Variants in EGFL7 observed in about 807,000 individuals in gnomAD.
The protein encoded by EGFL7 is EGF like domain multiple 7.
Under a neutral mutation model 37.1 loss-of-function variants are expected in EGFL7, and 48 were observed. That is an observed-to-expected ratio of 1.29 (90% CI 1.03 to 1.65). The LOEUF (loss-of-function observed/expected upper bound fraction) is 1.65. Ranked by LOEUF, EGFL7 falls within the 40% of genes most tolerant of loss-of-function variation. EGFL7 has a pLI of 0.00. For synonymous variants in EGFL7, 180 were observed against 156.8 expected (o/e 1.15, Z -1.10); for missense variants, 384 against 378.9 (o/e 1.01, Z -0.11).
In EGFL7 at chr9:136,669,565, G is replaced by A. The variant is rs200920832; in HGVS notation, c.198-41G>A. Reference sequence around the variant, plus strand: ...TAGATGCCCAGCAGGTGACTAAGGGGGAGTAGGATGCCCCTCTGAGCTGTC... The same window carrying A: ...TAGATGCCCAGCAGGTGACTAAGGGAGAGTAGGATGCCCCTCTGAGCTGTC... On this transcript the variant is annotated intron_variant, in intron 5 of 10. Transcript: ENST00000308874. The A allele has an allele frequency of 4.1e-6, 6 of 1,466,010 alleles. No homozygotes were observed. In the East Asian group the frequency reaches 9.3e-5, roughly 23 times the overall value. The allele number at this position is 1,466,010 out of a possible 1,614,324, so 90.8% of individuals were successfully genotyped here.
rs1845763157 is a variant in EGFL7, at chr9:136,670,296, G to A, written c.537G>A (p.Lys179=). 1.2e-6 allele frequency: 2 copies of A among 1,601,418 alleles called. No homozygotes were observed. Among genetic ancestry groups the A allele is most frequent in the Admixed American group, 1.7e-5 (1 of 59,234 alleles). Residue 179 remains lysine (K), a synonymous_variant, in exon 8 of 11, where the codon AAG becomes AAA. Coordinates refer to ENST00000308874, the MANE Select transcript of EGFL7 (RefSeq NM_016215.5). ...LSADGTLCVP[K]GGPPRVAPNP... ...CAGACGGTACACTCTGTGTGCCCAA[G>A]GGAGGGCCCCCCAGGGTGGCCCCCA...
chr9:136,672,195 G>C, intron 10 of EGFL7, 69 bp from the exon 11 acceptor site: 1 of 1,611,482 alleles, frequency 6.2e-7, no homozygotes, highest in Non-Finnish European at 8.5e-7. Context: ...CAAGGGGCCA[G>C]TCAGATCTAG....
chr9:136,669,814 C>A, intron 6 of EGFL7, 93 bp downstream of exon 6: 1 of 1,435,526 alleles, frequency 7.0e-7, no homozygotes, highest in South Asian at 1.3e-5. Context: ...GAACCCCGAG[C>A]AAAGCACCAC....
chr9:136,660,794 C>G (rs1845098199), upstream of EGFL7, among the ~76,000 whole-genome samples: 1 of 152,184 alleles, frequency 6.6e-6, no homozygotes, highest in Non-Finnish European at 1.5e-5. Flanking sequence ...ATGGGGCTCC[C>G]CAAGAAGAGG....
At chr9:136,667,162 G>A (rs566963279) in intron 3 of EGFL7, among the ~76,000 whole-genome samples, 1 of 152,344 alleles carries the variant, frequency 6.6e-6, no homozygotes, top group Non-Finnish European at 1.5e-5. Flanking sequence ...CTATTTATAG[G>A]ACTGGCTGTC....
In EGFL7 at chr9:136,666,776, C is replaced by T. The variant is rs1381202271; in HGVS notation, c.-42-1465C>T. The stretch of plus-strand genomic sequence containing the variant: ...CCGGGTCCCACTCCCCAATGTCCCC[C>T]GACTTCGAGTCTTGCCTTGAGGTCG... On this transcript the variant is annotated intron_variant, in intron 3 of 10. Transcript: ENST00000308874. The surrounding 1 kb of genome is among the most constrained non-coding windows in gnomAD (Gnocchi z 6.8). 2.0e-5 allele frequency among the ~76,000 whole-genome samples: 3 copies of T among 152,158 alleles called. No individual in the cohort carries two copies. Among genetic ancestry groups the T allele is most frequent in the Admixed American group, 1.3e-4 (2 of 15,290 alleles).
upstream of EGFL7, among the ~76,000 whole-genome samples, chr9:136,661,781 C>T (rs1386929975): frequency 6.6e-6 from 1 of 152,212 alleles, no homozygotes; most frequent in African/African-American, 2.4e-5. Context: ...CTGCCCCAGC[C>T]TCCCTTGGCT....
At chr9:136,661,024 G>T (rs1187883616), upstream of EGFL7, among the ~76,000 whole-genome samples, 2 of 152,164 alleles carry the variant, frequency 1.3e-5, no homozygotes, top group Non-Finnish European at 2.9e-5. Context: ...CCGCAGGGAT[G>T]CAGGCAGAGG....
chr9:136,672,175 G>A lies in EGFL7; in HGVS notation c.799+87G>A, dbSNP rs111433104. The A allele has an allele frequency of 9.2e-5, 148 of 1,603,648 alleles. 4 individuals are homozygous for A. Among genetic ancestry groups the A allele is most frequent in the African/African-American group, 3.7e-4 (28 of 74,762 alleles). ...CTACCCAGGCTTGGGGGTCGGGGGCGACCAAAGGCCAAGGGGCCAGTCAGA... is the reference window on the plus strand; with the variant it reads ...CTACCCAGGCTTGGGGGTCGGGGGCAACCAAAGGCCAAGGGGCCAGTCAGA... On this transcript the variant is annotated intron_variant, in intron 10 of 10. Transcript: ENST00000308874.
At chr9:136,669,527 T>A in intron 5 of EGFL7, 79 bp from the exon 6 acceptor site, 1 of 1,076,730 alleles carries the variant, frequency 9.3e-7, no homozygotes, top group Non-Finnish European at 1.4e-6. Flanking sequence ...CTGTGCACTC[T>A]GAGAGGGGAC....
intron 2 of EGFL7, among the ~76,000 whole-genome samples, chr9:136,664,129 G>A (rs1045725907): frequency 3.9e-5 from 6 of 152,164 alleles, no homozygotes; most frequent in South Asian, 2.1e-4. Flanking sequence ...GGCTCAGGGC[G>A]CCAGGAGGCC....
chr9:136,670,766 C>G (rs1374263662), intron 8 of EGFL7, 184 bp from the exon 9 acceptor site: 2 of 731,250 alleles, frequency 2.7e-6, no homozygotes, highest in Non-Finnish European at 5.0e-6. Context: ...CGCAGAGCCA[C>G]CCGCCCCGAC....
rs774507053 is a variant in EGFL7, at chr9:136,666,920, C to T, written c.-42-1321C>T. 5.7e-4 allele frequency among the ~76,000 whole-genome samples: 86 copies of T among 152,100 alleles called. No individual in the cohort carries two copies. The highest frequency in any genetic ancestry group is 1.4e-3 in the Admixed American group (21 of 15,300). On this transcript the variant is annotated intron_variant, in intron 3 of 10. Transcript: ENST00000308874. The surrounding 1 kb of genome is among the most constrained non-coding windows in gnomAD (Gnocchi z 6.8). The stretch of plus-strand genomic sequence containing the variant: ...AAAAACTGCTGTGATGCCCCCCCTG[C>T]CCCCAAGCTAAGTCCCCACCCCTCA...
At chr9:136,670,418 G>A (rs1564282209) in intron 8 of EGFL7, 88 bp downstream of exon 8, 1 of 1,430,898 alleles carries the variant, frequency 7.0e-7, no homozygotes, top group South Asian at 1.3e-5. Flanking sequence ...GGGGGCACTG[G>A]AATCTGGGCG....
Position 136,669,665 on chromosome 9 carries a change from ACG to A in EGFL7, c.260_261del (p.Ala87ValfsTer45). The A allele has an allele frequency of 6.2e-7, 1 of 1,610,176 alleles. No homozygotes were observed. On this transcript the variant is annotated frameshift_variant, in exon 6 of 11. Transcript: ENST00000308874. LOFTEE classifies it high-confidence loss of function. ...GGGCTGGCCCCTGCCAGGCCTCGCTACGCGTGCTGCCCCGGCTGGAAGAGGAC... is the reference window on the plus strand; with the variant it reads ...GGGCTGGCCCCTGCCAGGCCTCGCTACGTGCTGCCCCGGCTGGAAGAGGAC...
At position 136,669,621 on chromosome 9, in the gene EGFL7, C is replaced by T. The variant is rs370953925; in HGVS notation, c.213C>T (p.Thr71=). ...CACCCCACAGAACCATCTATAGGAC[C>T]GCCTACCGCCGCAGCCCTGGGCTGG... ...ACSTYRTIYR[T]AYRRSPGLAP... The change falls in exon 6 of 11, where the codon ACC becomes ACT. Residue 71 remains threonine (T), a synonymous_variant. Coordinates refer to ENST00000308874, the MANE Select transcript of EGFL7 (RefSeq NM_016215.5). 2.5e-5 allele frequency: 41 copies of T among 1,610,760 alleles called. No individual in the cohort carries two copies. The highest frequency in any genetic ancestry group is 7.7e-5 in the South Asian group (7 of 90,754).
rs777137452 is a variant in EGFL7, at chr9:136,668,361, G to T, written c.79G>T (p.Gly27Cys). ...VGGTEHAYRP[G>C]RRVCAVRAHG... ...CGGCACAGAGCACGCCTACCGGCCCGGGTGAGCCAAGCCCTAGCCTGGGAG... is the reference window on the plus strand; with the variant it reads ...CGGCACAGAGCACGCCTACCGGCCCTGGTGAGCCAAGCCCTAGCCTGGGAG... Residue 27 changes from glycine (G) to cysteine (C), a missense_variant and splice_region_variant, in exon 4 of 11, where the codon GGC becomes TGC. Gly to Cys is a radical substitution (Grantham distance 159). Coordinates refer to ENST00000308874, the MANE Select transcript of EGFL7 (RefSeq NM_016215.5). 14 of 1,595,652 alleles carry T rather than the reference G, an allele frequency of 8.8e-6. No individual in the cohort carries two copies. The highest frequency in any genetic ancestry group is 1.7e-5 in the Admixed American group (1 of 58,482).
chr9:136,661,450 G>A (rs1297341980), upstream of EGFL7, among the ~76,000 whole-genome samples: 2 of 152,124 alleles, frequency 1.3e-5, no homozygotes, highest in East Asian at 3.9e-4. Flanking sequence ...GGGAAATGGG[G>A]TTCTGCCTAT....
intron 9 of EGFL7, 21 bp downstream of exon 9, chr9:136,671,035 G>GCA (rs1845834104): frequency 2.1e-5 from 19 of 919,452 alleles, no homozygotes; most frequent in East Asian, 1.6e-4. Flanking sequence ...GGTGGGGGGG[G>GCA]GGGGGGGCAG....
Sources: gnomAD v4.1 joint callset for allele counts (sites outside exome capture counted in the v4.1 genomes callset) on GRCh38, gnomAD v4.1.1 for gene constraint, Gnocchi (gnomAD v3.1) non-coding constraint, MANE v1.5 for transcripts, NCBI Gene and HGNC (gene_info 2026-07-23, HGNC 2026-07-21) for gene names.